GPALPP1: variants seen among roughly 807,000 people sequenced by gnomAD.
GPALPP1 encodes GPALPP motifs containing 1.
Under a neutral mutation model 38.9 loss-of-function variants are expected in GPALPP1, and 30 were observed. The observed-to-expected ratio is 0.77, with a 90% CI of 0.58 to 1.05. The LOEUF (loss-of-function observed/expected upper bound fraction) is 1.05. Among genes scored for constraint, GPALPP1 ranks in the 50% least tolerant of loss-of-function variants. The pLI is 0.00. For synonymous variants in GPALPP1, 120 were observed against 139.2 expected (o/e 0.86, Z 0.97); for missense variants, 384 against 408.8 (o/e 0.94, Z 0.52).
At chr13:45,020,590 T>C (rs1468508837) in intron 7 of GPALPP1, among the ~76,000 whole-genome samples, 162 bp downstream of exon 7, 1 of 150,986 alleles carries the variant, frequency 6.6e-6, no homozygotes, top group Non-Finnish European at 1.5e-5. Flanking sequence ...TTTTTTAAAT[T>C]AGCCAACTGA....
chr13:44,996,848 A>T (rs1873330376), intron 1 of GPALPP1, among the ~76,000 whole-genome samples: 1 of 145,214 alleles, frequency 6.9e-6, no homozygotes, highest in South Asian at 2.2e-4. Flanking sequence ...ACATAACATG[A>T]AATGTACCAT....
intron 6 of GPALPP1, among the ~76,000 whole-genome samples, chr13:45,019,427 C>T (rs1480711903): frequency 2.6e-5 from 4 of 151,886 alleles, no homozygotes; most frequent in South Asian, 2.1e-4. Context: ...GGATTGCAGG[C>T]GTGAGCTACC....
chr13:45,029,125 T>G lies in GPALPP1; in HGVS notation c.*1122T>G, dbSNP rs1876052366. On this transcript the variant is annotated 3_prime_UTR_variant, in exon 8 of 8. Coordinates refer to ENST00000379151, the MANE Select transcript of GPALPP1 (RefSeq NM_018559.5). The stretch of plus-strand genomic sequence containing the variant: ...AGCTGAGGTTGCTTCTTAATATCTT[T>G]ATGATTTTTAATTGTATTAAACCTA... 6.6e-6 allele frequency: 1 copy of G among 152,140 alleles called. No homozygotes were observed. The highest frequency in any genetic ancestry group is 6.5e-5 in the Admixed American group (1 of 15,268). The allele number at this position is 152,140 out of a possible 1,614,324, so 9.4% of individuals were successfully genotyped here.
chr13:45,003,034 A>G (rs1000671986), intron 1 of GPALPP1, among the ~76,000 whole-genome samples: 2 of 152,212 alleles, frequency 1.3e-5, no homozygotes, highest in East Asian at 3.8e-4. Context: ...TTGTTTCTCT[A>G]GAAGTATTTA....
intron 1 of GPALPP1, among the ~76,000 whole-genome samples, chr13:44,991,754 C>T (rs1872822498): frequency 6.6e-6 from 1 of 152,226 alleles, no homozygotes; most frequent in African/African-American, 2.4e-5. Flanking sequence ...CACCACCCCT[C>T]CTACAACCAG....
At chr13:44,996,489 ATT>A (rs200713423) in intron 1 of GPALPP1, among the ~76,000 whole-genome samples, 175 of 146,678 alleles carry the variant, frequency 1.2e-3, no homozygotes, top group Non-Finnish European at 1.2e-3. Context: ...TGGGAACGGG[ATT>A]TTTTTTTTTT....
intron 7 of GPALPP1, among the ~76,000 whole-genome samples, chr13:45,025,823 G>A (rs559911290): frequency 6.6e-6 from 1 of 151,254 alleles, no homozygotes; most frequent in Admixed American, 6.6e-5. Context: ...CCAGGCTGGT[G>A]TGCAATGGCA....
intron 1 of GPALPP1, among the ~76,000 whole-genome samples, chr13:44,994,022 C>A (rs1361229466): frequency 1.3e-5 from 2 of 148,670 alleles, no homozygotes; most frequent in Non-Finnish European, 3.0e-5. Flanking sequence ...ATTCTTGAAC[C>A]CATGAGTTCA....
At chr13:44,998,564 T>C (rs896668514) in intron 1 of GPALPP1, among the ~76,000 whole-genome samples, 9 of 152,202 alleles carry the variant, frequency 5.9e-5, no homozygotes, top group African/African-American at 9.7e-5. Flanking sequence ...GTGATGACTC[T>C]TTTGCTTTCA....
At chr13:45,006,437 C>A in intron 3 of GPALPP1, 134 bp downstream of exon 3, 1 of 519,778 alleles carries the variant, frequency 1.9e-6, no homozygotes, top group South Asian at 3.7e-5. Context: ...GGGTCATTCA[C>A]CAGGAAAAGA....
rs895241580 is a variant in GPALPP1 at position 45,016,453 on chromosome 13, C to CAAA, written c.705+864_705+866dup. ...TGGGCAACAGAGCGAGACTCCATCT[C>CAAA]AAAAAAAAACAAAAAAACAAAAATC... On this transcript the variant is annotated intron_variant, in intron 6 of 7. Transcript: ENST00000379151. Among the ~76,000 whole-genome samples the CAAA allele has an allele frequency of 4.6e-3, 674 of 147,534 alleles. 3 individuals carry two copies. Among genetic ancestry groups the CAAA allele is most frequent in the African/African-American group, 0.016 (620 of 39,996 alleles).
chr13:44,991,921 A>G (rs1872832115), intron 1 of GPALPP1, among the ~76,000 whole-genome samples: 1 of 152,250 alleles, frequency 6.6e-6, no homozygotes, highest in African/African-American at 2.4e-5. Flanking sequence ...TCTGGTCTTT[A>G]AACAAACAGA....
Position 45,029,347 on chromosome 13 carries a change from T to C in GPALPP1, c.*1344T>C, listed in dbSNP as rs1352351883. On this transcript the variant is annotated 3_prime_UTR_variant, in exon 8 of 8. Coordinates refer to ENST00000379151, the MANE Select transcript of GPALPP1 (RefSeq NM_018559.5). ...GAGATTACTTTAATCTTAAAAAACA[T>C]ACAAATTTACCTTGTTCTGTATGTC... 1 of 152,228 alleles carries C rather than the reference T, an allele frequency of 6.6e-6. No individual in the cohort carries two copies. The highest frequency in any genetic ancestry group is 1.5e-5 in the Non-Finnish European group (1 of 68,034). The allele number at this position is 152,228 out of a possible 1,614,324, so 9.4% of individuals were successfully genotyped here.
chr13:45,015,390 C>T (rs751574164), intron 5 of GPALPP1, 42 bp from the exon 6 acceptor site: 13 of 1,288,982 alleles, frequency 1.0e-5, no homozygotes, highest in South Asian at 6.0e-5. Context: ...ATCTTATACA[C>T]GATATGTACT....
At chr13:45,017,853 ATAC>A (rs942714105) in intron 6 of GPALPP1, among the ~76,000 whole-genome samples, 2 of 152,228 alleles carry the variant, frequency 1.3e-5, no homozygotes, top group African/African-American at 2.4e-5. Context: ...ATTTTATATA[ATAC>A]TACATTACAG....
rs1473036502 is a variant in GPALPP1 at position 45,015,509 on chromosome 13, A to G, written c.618A>G (p.Pro206=). ...PPEMKDFGLG[P]RTFKRRADDT... ...AAATGAAAGACTTTGGTCTTGGGCC[A>G]AGGACTTTTAAGAGAAGAGCTGATG... Residue 206 remains proline, a synonymous_variant, in exon 6 of 8, where the codon CCA becomes CCG. Coordinates refer to ENST00000379151, the MANE Select transcript of GPALPP1 (RefSeq NM_018559.5). The G allele has an allele frequency of 1.9e-6, 3 of 1,608,910 alleles. No homozygotes were observed. Among genetic ancestry groups the G allele is most frequent in the Non-Finnish European group, 2.5e-6 (3 of 1,177,304 alleles).
Position 45,014,817 on chromosome 13 carries a change from A to G in GPALPP1, c.409-135A>G, listed in dbSNP as rs1874717717. The stretch of plus-strand genomic sequence containing the variant: ...AGGAAAAAGTCCTCATGGTTCAGTG[A>G]TGAGCCAGCAATACATTGTTTACTT... On this transcript the variant is annotated intron_variant, in intron 4 of 7. Coordinates refer to ENST00000379151, the MANE Select transcript of GPALPP1 (RefSeq NM_018559.5). The G allele has an allele frequency of 1.5e-5, 10 of 655,470 alleles. No individual in the cohort carries two copies. The South Asian group carries it at 1.7e-4, about 11-fold the overall frequency. The allele number at this position is 655,470 out of a possible 1,614,324, so 40.6% of individuals were successfully genotyped here.
intron 7 of GPALPP1, among the ~76,000 whole-genome samples, chr13:45,020,681 C>T (rs1875360674): frequency 6.6e-6 from 1 of 150,878 alleles, no homozygotes; most frequent in South Asian, 2.1e-4. Context: ...AATATATAGC[C>T]TTTTTTCCCC....
chr13:45,000,955 A>T (rs970768621), intron 1 of GPALPP1, among the ~76,000 whole-genome samples: 2 of 152,080 alleles, frequency 1.3e-5, no homozygotes, highest in Admixed American at 6.6e-5. Context: ...GATAGGAAAA[A>T]TTTTTTTGAA....
Sources: gnomAD v4.1 joint callset for allele counts (sites outside exome capture counted in the v4.1 genomes callset) on GRCh38, gnomAD v4.1.1 for gene constraint, MANE v1.5 for transcripts, NCBI Gene and HGNC (gene_info 2026-07-23, HGNC 2026-07-21) for gene names.